Variants in ABCA13 observed in about 807,000 individuals in gnomAD.
ABCA13 encodes the protein ATP binding cassette subfamily A member 13.
ABCA13 carries 476 observed loss-of-function variants against 478.7 expected under a neutral mutation model. The observed-to-expected ratio is 0.99, with a 90% CI of 0.92 to 1.07. ABCA13 has a LOEUF of 1.07. Ranked by LOEUF, ABCA13 falls within the 50% of genes least tolerant of loss-of-function variation. The pLI is 0.00. For missense variants in ABCA13, 6,060 were observed against 5,910.6 expected, an observed-to-expected ratio of 1.03 and a Z score of -0.83; for synonymous variants, 2,252 against 2,158.9, an observed-to-expected ratio of 1.04 and a Z score of -1.20.
At chr7:48,288,798 C>T (rs1246627777) in intron 20 of ABCA13, among the ~76,000 whole-genome samples, 5 of 152,152 alleles carry the variant, frequency 3.3e-5, no homozygotes, top group Non-Finnish European at 7.3e-5. Context: ...AATAGGCTCC[C>T]ATGCAGGGTC....
intron 26 of ABCA13, among the ~76,000 whole-genome samples, chr7:48,315,121 T>C (rs558854341): frequency 6.6e-6 from 1 of 152,348 alleles, no homozygotes; most frequent in South Asian, 2.1e-4. Flanking sequence ...ATTTATAACG[T>C]AGAAACAGTA....
chr7:48,488,584 A>G (rs2130668862), intron 47 of ABCA13, among the ~76,000 whole-genome samples: 1 of 152,324 alleles, frequency 6.6e-6, no homozygotes, highest in Non-Finnish European at 1.5e-5. Context: ...CATCAGTTGG[A>G]GTCATCATAC....
intron 15 of ABCA13, among the ~76,000 whole-genome samples, chr7:48,267,707 T>C (rs1795051450): frequency 6.6e-6 from 1 of 152,140 alleles, no homozygotes; most frequent in South Asian, 2.1e-4. Flanking sequence ...ATAAAGTAAA[T>C]AACATAAACC....
In ABCA13 at chr7:48,436,055, T is replaced by C. The variant is rs993429910; in HGVS notation, c.12565+8184T>C. On this transcript the variant is annotated intron_variant, in intron 42 of 61. Coordinates refer to ENST00000435803, the MANE Select transcript of ABCA13 (RefSeq NM_152701.5). Reference sequence around the variant, plus strand: ...GCCTCATACAATGAATTAGGAAGTTTATTCTCCTCTTCAATTTTTTCAAAG... The same window carrying C: ...GCCTCATACAATGAATTAGGAAGTTCATTCTCCTCTTCAATTTTTTCAAAG... 1.4e-4 allele frequency among the ~76,000 whole-genome samples: 21 copies of C among 151,540 alleles called. 1 individual carries two copies. The highest frequency in any genetic ancestry group is 6.3e-3 in the Middle Eastern group (2 of 316).
rs1171266875 is a variant in ABCA13, at chr7:48,275,017, C to G, written c.5351C>G (p.Ser1784Ter). 4 of 1,613,748 alleles carry G rather than the reference C, an allele frequency of 2.5e-6. No homozygotes were observed. The South Asian group carries it at 3.3e-5, about 13-fold the overall frequency. Residue 1784 changes from serine (S) to a stop codon, truncating the protein, a stop_gained, in exon 17 of 62, where the codon TCA becomes TGA. Transcript: ENST00000435803. LOFTEE classifies it high-confidence loss of function. Reference protein sequence around the residue: ...SFTLLHGITISNITKEDFAIV... With the variant: ...SFTLLHGITI ...ACACTCCTTCATGGCATAACCATTTCAAATATCACCAAGGAAGACTTCGCA... is the reference window on the plus strand; with the variant it reads ...ACACTCCTTCATGGCATAACCATTTGAAATATCACCAAGGAAGACTTCGCA...
intron 48 of ABCA13, among the ~76,000 whole-genome samples, chr7:48,497,303 T>C (rs996671013): frequency 1.3e-5 from 2 of 152,238 alleles, no homozygotes; most frequent in Admixed American, 1.3e-4. Flanking sequence ...CATTTATATT[T>C]TCTAATGAGA....
intron 54 of ABCA13, among the ~76,000 whole-genome samples, chr7:48,526,315 C>T (rs1391338029): frequency 6.6e-6 from 1 of 151,986 alleles, no homozygotes; most frequent in Non-Finnish European, 1.5e-5. Context: ...TTTCTGAGTC[C>T]CAACAGGGCT....
At chr7:48,631,024 A>C (rs183575406) in intron 59 of ABCA13, among the ~76,000 whole-genome samples, 19 of 151,480 alleles carry the variant, frequency 1.3e-4, no homozygotes, top group Admixed American at 1.2e-3. Context: ...TTTGCTTGTT[A>C]AGTTCCTTAT....
chr7:48,334,620 C>G (rs1361453151), intron 27 of ABCA13, among the ~76,000 whole-genome samples: 1 of 152,170 alleles, frequency 6.6e-6, no homozygotes, highest in Non-Finnish European at 1.5e-5. Flanking sequence ...CAGGCGTGAG[C>G]CAGCACGCCC....
At chr7:48,504,369 A>T (rs767765999) in intron 48 of ABCA13, among the ~76,000 whole-genome samples, 1 of 152,086 alleles carries the variant, frequency 6.6e-6, no homozygotes, top group Non-Finnish European at 1.5e-5. Flanking sequence ...CTGAGCAGGG[A>T]TGCACATGTT....
intron 55 of ABCA13, among the ~76,000 whole-genome samples, chr7:48,536,343 A>G (rs929022287): frequency 6.6e-6 from 1 of 152,202 alleles, no homozygotes; most frequent in Non-Finnish European, 1.5e-5. Context: ...TCTTACAAGA[A>G]TATTTTAAAT....
In ABCA13 at chr7:48,338,367, G is replaced by A. The variant is rs1475129955; in HGVS notation, c.10116G>A (p.Glu3372=). The part of the protein sequence containing the change: ...GSGQMFNQLQ[E]ALRNKFVRNF... ...TAAGCTATATTATTTTTCTTTAGGA[G>A]GCCCTGAGAAACAAATTTGTAAGAA... The change falls in exon 29 of 62, where the codon GAG becomes GAA. Residue 3372 remains glutamate (E), a splice_region_variant and synonymous_variant. Transcript: ENST00000435803. 2 of 1,587,050 alleles carry A rather than the reference G, an allele frequency of 1.3e-6. No individual in the cohort carries two copies. Among genetic ancestry groups the A allele is most frequent in the Non-Finnish European group, 1.7e-6 (2 of 1,165,722 alleles).
intron 55 of ABCA13, among the ~76,000 whole-genome samples, chr7:48,562,109 GGGGA>G (rs898272746): frequency 8.0e-5 from 11 of 137,336 alleles, no homozygotes; most frequent in Non-Finnish European, 1.5e-4. Flanking sequence ...ATGTATGGGG[GGGGA>G]GGTGGATACA....
rs749135491 is a variant in ABCA13, at chr7:48,335,520, G to A, written c.10098G>A (p.Met3366Ile). 3.1e-6 allele frequency: 5 copies of A among 1,613,662 alleles called. No individual in the cohort carries two copies. The highest frequency in any genetic ancestry group is 3.3e-4 in the Middle Eastern group (2 of 6,058). ...TCCAGAGAAGTGGAAGTGGCCAGAT[G>A]TTCAACCAGCTGCAGGTGAGTGGTT... ...SLFQRSGSGQ[M>I]FNQLQEALRN... is the part of the protein sequence containing the mutation. The change falls in exon 28 of 62, where the codon ATG becomes ATA. Residue 3366 changes from methionine to isoleucine, a missense_variant. Physicochemically the swap from Met to Ile is conservative, Grantham distance 10 (BLOSUM62 1). Transcript: ENST00000435803.
At chr7:48,611,086 G>A (rs1791983302) in intron 58 of ABCA13, among the ~76,000 whole-genome samples, 1 of 152,156 alleles carries the variant, frequency 6.6e-6, no homozygotes, top group South Asian at 2.1e-4. Context: ...ATGTCAGGCT[G>A]CAAATTTTCC....
rs140165314 is a variant in ABCA13 at position 48,422,968 on chromosome 7, C to A, written c.12460-4798C>A. On this transcript the variant is annotated intron_variant, in intron 41 of 61. Coordinates refer to ENST00000435803, the MANE Select transcript of ABCA13 (RefSeq NM_152701.5). Reference sequence around the variant, plus strand: ...TGGGAAAGTCCAGGGAGTATATTATCCCTTGATTTTAGCCCAGGAAGGCCC... The same window carrying A: ...TGGGAAAGTCCAGGGAGTATATTATACCTTGATTTTAGCCCAGGAAGGCCC... Among the ~76,000 whole-genome samples, 657 of 152,298 alleles carry A rather than the reference C, an allele frequency of 4.3e-3. 3 individuals carry two copies. The highest frequency in any genetic ancestry group is 0.015 in the African/African-American group (639 of 41,556).
chr7:48,306,997 G>C (rs1326676839), intron 23 of ABCA13, among the ~76,000 whole-genome samples: 1 of 152,116 alleles, frequency 6.6e-6, no homozygotes, highest in African/African-American at 2.4e-5. Context: ...TCTCCAGGTA[G>C]TCCGCAGATG....
At chr7:48,256,243 G>T (rs536790481) in intron 15 of ABCA13, among the ~76,000 whole-genome samples, 1 of 152,194 alleles carries the variant, frequency 6.6e-6, no homozygotes, top group East Asian at 1.9e-4. Flanking sequence ...CTGTTCTGTA[G>T]GGTGTCTGTT....
intron 55 of ABCA13, 76 bp from the exon 56 acceptor site, chr7:48,580,148 T>G: frequency 3.7e-5 from 53 of 1,429,226 alleles, no homozygotes; most frequent in Non-Finnish European, 4.7e-5. Flanking sequence ...TTGTTATTGA[T>G]GAGCCACATT....
Sources: allele counts gnomAD v4.1 joint callset (sites outside exome capture counted in the v4.1 genomes callset), GRCh38; gene constraint gnomAD v4.1.1; transcripts MANE v1.5; gene names NCBI Gene and HGNC (gene_info 2026-07-23, HGNC 2026-07-21).